VPS13B: variants seen among roughly 807,000 people sequenced by gnomAD.
VPS13B encodes the protein vacuolar protein sorting 13 homolog B.
A neutral mutation model predicts 426.4 loss-of-function variants in VPS13B; 285 were observed. The ratio of observed to expected loss-of-function variants is 0.67; its 90% CI spans 0.61 to 0.74. The LOEUF (loss-of-function observed/expected upper bound fraction) is 0.74, where lower values mean the gene tolerates loss of function less well. VPS13B is among the 30% of genes least tolerant of loss of function. VPS13B has a pLI of 0.00. For missense variants in VPS13B, 4,537 were observed against 4,782.6 expected (o/e 0.95, Z 1.51); for synonymous variants, 1,676 against 1,676.4 (o/e 1.00, Z 0.01).
intron 44 of VPS13B, among the ~76,000 whole-genome samples, chr8:99,815,881 G>A (rs1308081375): frequency 6.6e-6 from 1 of 152,114 alleles, no homozygotes; most frequent in African/African-American, 2.4e-5. Context: ...ACCCAGGGTG[G>A]AGTACAGTGG....
chr8:99,706,732 G>T (rs1205237295), intron 36 of VPS13B, among the ~76,000 whole-genome samples: 1 of 152,102 alleles, frequency 6.6e-6, no homozygotes, highest in Non-Finnish European at 1.5e-5. Context: ...AAGTACTAGA[G>T]ACTTTTTTCT....
chr8:99,636,021 C>T (rs574770837), intron 33 of VPS13B, among the ~76,000 whole-genome samples: 3 of 152,008 alleles, frequency 2.0e-5, no homozygotes, highest in Admixed American at 6.6e-5. Flanking sequence ...GTATCTGTAC[C>T]GTATACAGCT....
At chr8:99,590,395 T>C (rs1826570853) in intron 33 of VPS13B, among the ~76,000 whole-genome samples, 1 of 152,200 alleles carries the variant, frequency 6.6e-6, no homozygotes, top group Admixed American at 6.5e-5. Context: ...ATTTGTTTGC[T>C]CTTGCTTCTC....
chr8:99,329,905 T>C (rs1228959135), intron 19 of VPS13B, among the ~76,000 whole-genome samples: 1 of 152,030 alleles, frequency 6.6e-6, no homozygotes, highest in African/African-American at 2.4e-5. Context: ...TTCTGTCTCA[T>C]ACATTGTTGG....
In VPS13B at chr8:99,337,134, C is replaced by G. The variant is rs188111118; in HGVS notation, c.2825-47074C>G. 6.6e-4 allele frequency among the ~76,000 whole-genome samples: 100 copies of G among 152,006 alleles called. 2 individuals are homozygous for G. Among genetic ancestry groups the G allele is most frequent in the African/African-American group, 2.1e-3 (85 of 41,446 alleles). Reference sequence around the variant, plus strand: ...AACCGAAATGTCCAACAACGATAGACTGGATTAAGAAAATGTGGCACATAT... The same window carrying G: ...AACCGAAATGTCCAACAACGATAGAGTGGATTAAGAAAATGTGGCACATAT... On this transcript the variant is annotated intron_variant, in intron 19 of 61. Coordinates refer to ENST00000357162, the MANE Select transcript of VPS13B (RefSeq NM_152564.5).
chr8:99,747,988 G>C (rs16897651), intron 39 of VPS13B, among the ~76,000 whole-genome samples: 1 of 151,844 alleles, frequency 6.6e-6, no homozygotes, highest in East Asian at 1.9e-4. Context: ...TGTTGTTGTC[G>C]TTTATCCATC....
At chr8:99,060,093 A>C (rs1844099176) in intron 3 of VPS13B, among the ~76,000 whole-genome samples, 1 of 152,100 alleles carries the variant, frequency 6.6e-6, no homozygotes, top group Non-Finnish European at 1.5e-5. Context: ...ATTATTGAAA[A>C]AGAAGTAAAA....
intron 51 of VPS13B, among the ~76,000 whole-genome samples, chr8:99,827,002 GT>G (rs1028921831): frequency 6.6e-5 from 10 of 152,112 alleles, no homozygotes; most frequent in Admixed American, 4.6e-4. Flanking sequence ...TCGCATCAGT[GT>G]TCATCAGGGA....
At chr8:99,414,746 C>T (rs1199573632) in intron 21 of VPS13B, among the ~76,000 whole-genome samples, 2 of 152,074 alleles carry the variant, frequency 1.3e-5, no homozygotes, top group Admixed American at 6.6e-5. Flanking sequence ...AATATTGGCC[C>T]CCATTCTCTT....
intron 34 of VPS13B, among the ~76,000 whole-genome samples, chr8:99,644,969 T>G (rs1367704041): frequency 6.6e-6 from 1 of 152,176 alleles, no homozygotes; most frequent in African/African-American, 2.4e-5. Flanking sequence ...AAACTAAGGT[T>G]TAGAGAAGTT....
chr8:99,802,584 A>G (rs924601482), intron 43 of VPS13B, among the ~76,000 whole-genome samples: 3 of 152,120 alleles, frequency 2.0e-5, no homozygotes, highest in Admixed American at 6.5e-5. Context: ...TAATCCTATA[A>G]CCCTAAAATA....
rs977452317 is a variant in VPS13B at position 99,234,596 on chromosome 8, G to C, written c.2516-39602G>C. On this transcript the variant is annotated intron_variant, in intron 17 of 61. Transcript: ENST00000357162. ...GCAGAGCTTGTGCTGGCGAGAGTTGGGTAGTGCGCTCGCGCAGTCCCTAGT... is the reference window on the plus strand; with the variant it reads ...GCAGAGCTTGTGCTGGCGAGAGTTGCGTAGTGCGCTCGCGCAGTCCCTAGT... The C allele has an allele frequency of 1.5e-5, 6 of 400,346 alleles. No homozygotes were observed. In the Admixed American group the frequency reaches 1.8e-4, roughly 12 times the overall value. The allele number at this position is 400,346 out of a possible 1,614,324, so 24.8% of individuals were successfully genotyped here. A position where few individuals can be genotyped will look rare whatever the true frequency, so the allele number is the denominator to read the frequency against.
chr8:99,129,610 GA>G (rs959355961), intron 8 of VPS13B, among the ~76,000 whole-genome samples: 7 of 136,890 alleles, frequency 5.1e-5, no homozygotes, highest in East Asian at 2.1e-4. Context: ...TTTGTAAAAA[GA>G]AAAAAAAGAT....
At chr8:99,339,018 A>G (rs534689980) in intron 19 of VPS13B, among the ~76,000 whole-genome samples, 2 of 152,312 alleles carry the variant, frequency 1.3e-5, no homozygotes, top group South Asian at 4.1e-4. Flanking sequence ...TCACCATATC[A>G]GAGTTGGACA....
Position 99,147,896 on chromosome 8 carries a change from G to A in VPS13B, c.1899G>A (p.Glu633=). The change falls in exon 14 of 62, where the codon GAG becomes GAA. Residue 633 remains glutamate (E), a synonymous_variant. Transcript: ENST00000357162. ...ATCCTGAAGAGGTGGCTCTTCTGGA[G>A]GAATATATTCCTACTCGACATACAA... ...ILNPEEVALL[E]EYIPTRHTSV... is the part of the protein sequence containing the mutation. 6.2e-7 allele frequency: 1 copy of A among 1,611,300 alleles called. No individual in the cohort carries two copies. The highest frequency in any genetic ancestry group is 8.5e-7 in the Non-Finnish European group (1 of 1,178,992).
chr8:99,021,446 C>T (rs1176847611), intron 2 of VPS13B, among the ~76,000 whole-genome samples: 1 of 152,024 alleles, frequency 6.6e-6, no homozygotes, highest in Non-Finnish European at 1.5e-5. Flanking sequence ...ACTGGTGAAA[C>T]CCTGTCTCTA....
intron 35 of VPS13B, among the ~76,000 whole-genome samples, chr8:99,683,564 A>G (rs999477836): frequency 1.3e-5 from 2 of 152,208 alleles, no homozygotes; most frequent in African/African-American, 2.4e-5. Flanking sequence ...TACAGATCCT[A>G]TGACCATTTG....
intron 24 of VPS13B, among the ~76,000 whole-genome samples, chr8:99,478,656 C>T (rs1588422373): frequency 6.6e-6 from 1 of 151,362 alleles, no homozygotes; most frequent in Non-Finnish European, 1.5e-5. Context: ...ACCATGTTGG[C>T]CAGGCTGGTG....
intron 25 of VPS13B, among the ~76,000 whole-genome samples, chr8:99,498,864 A>G (rs1042622833): frequency 7.2e-5 from 11 of 152,146 alleles, no homozygotes; most frequent in African/African-American, 2.7e-4. Flanking sequence ...AGACCACAGC[A>G]GGCCACTTGT....
Sources: gnomAD v4.1 joint callset for allele counts (sites outside exome capture counted in the v4.1 genomes callset) on GRCh38, gnomAD v4.1.1 for gene constraint, MANE v1.5 for transcripts, NCBI Gene and HGNC (gene_info 2026-07-23, HGNC 2026-07-21) for gene names.